The following MED25 variants were observed in gnomAD, a reference collection of about 807,000 sequenced individuals.
MED25 encodes mediator of RNA polymerase II transcription subunit 25.
A neutral mutation model predicts 89.4 loss-of-function variants in MED25; 62 were observed. The ratio of observed to expected loss-of-function variants is 0.69; its 90% CI spans 0.57 to 0.86. The LOEUF (loss-of-function observed/expected upper bound fraction) is 0.86. Ranked by LOEUF, MED25 falls within the 40% of genes least tolerant of loss-of-function variation. MED25 has a pLI of 0.00. For missense variants in MED25, 905 were observed against 1,005.2 expected (o/e 0.90, Z 1.35); for synonymous variants, 449 against 427.9 (o/e 1.05, Z -0.61).
In MED25 at chr19:49,819,507, G is replaced by A; in HGVS notation, c.305+211G>A. 3 of 587,082 alleles carry A rather than the reference G, an allele frequency of 5.1e-6. No homozygotes were observed. The South Asian group carries it at 5.5e-5, about 11-fold the overall frequency. The allele number at this position is 587,082 out of a possible 1,614,324, so 36.4% of individuals were successfully genotyped here. On this transcript the variant is annotated intron_variant, in intron 3 of 17. Coordinates refer to ENST00000312865, the MANE Select transcript of MED25 (RefSeq NM_030973.4). The stretch of plus-strand genomic sequence containing the variant: ...CGTGAATGAGCGATGGCTTGGGTTT[G>A]AGCTGCAGGAAACATCTCATACATT...
At position 49,818,402 on chromosome 19, in the gene MED25, G is replaced by A. The variant is rs2073953656; in HGVS notation, c.61G>A (p.Val21Met). ...AGSVVADVVF[V>M]IEGTANLGPY... ...GAGCGTGGTGGCCGACGTGGTGTTTGTGATTGAGGGTACGGCCAACCTGGG... is the reference window on the plus strand; with the variant it reads ...GAGCGTGGTGGCCGACGTGGTGTTTATGATTGAGGGTACGGCCAACCTGGG... Residue 21 changes from valine to methionine, a missense_variant, in exon 1 of 18, where the codon GTG becomes ATG. By Grantham distance (21) the Val-to-Met change is conservative. Transcript: ENST00000312865. 1.2e-6 allele frequency: 2 copies of A among 1,613,898 alleles called. No individual in the cohort carries two copies. Among genetic ancestry groups the A allele is most frequent in the Non-Finnish European group, 1.7e-6 (2 of 1,179,946 alleles).
chr19:49,837,781 G>A (rs1413371488), downstream of MED25, among the ~76,000 whole-genome samples: 2 of 152,180 alleles, frequency 1.3e-5, no homozygotes, highest in Non-Finnish European at 1.5e-5. Flanking sequence ...TGTCCTTAGG[G>A]GACAGTGTAT....
intron 3 of MED25, among the ~76,000 whole-genome samples, chr19:49,823,056 C>G (rs2073994102): frequency 6.6e-6 from 1 of 152,174 alleles, no homozygotes. Context: ...TCAAGTGATC[C>G]TCCCACCTCA....
rs775537338 is a variant in MED25 at position 49,829,128 on chromosome 19, G to T, written c.525+38G>T. 1.9e-6 allele frequency: 3 copies of T among 1,587,144 alleles called. No individual in the cohort carries two copies. Among genetic ancestry groups the T allele is most frequent in the South Asian group, 2.2e-5 (2 of 89,288 alleles). On this transcript the variant is annotated intron_variant, in intron 5 of 17. Coordinates refer to ENST00000312865, the MANE Select transcript of MED25 (RefSeq NM_030973.4). This position sits in a 1 kb window ranked among gnomAD's most constrained non-coding sequence, Gnocchi z 4.6. ...GGGTCTGAGGGACGAGGGTCTGGGG[G>T]CCCGGAGTCTTGGGTCTGAGGCAGG...
rs765135124 is a variant in MED25, at chr19:49,836,892, C to T, written c.2192C>T (p.Pro731Leu). 81 of 1,612,644 alleles carry T rather than the reference C, an allele frequency of 5.0e-5. No homozygotes were observed. The highest frequency in any genetic ancestry group is 6.7e-5 in the Non-Finnish European group (79 of 1,179,778). ...SGGPRGPVPQ[P>L]GLQPSVMEDD... ...GGTCCCCGGGGCCCGGTCCCCCAGC[C>T]GGGCCTGCAGCCCAGCGTCATGGAG... is the stretch of plus-strand genomic sequence containing the variant. Residue 731 changes from proline (P) to leucine (L), a missense_variant, in exon 18 of 18, where the codon CCG becomes CTG. Pro to Leu is a moderately conservative substitution (Grantham distance 98). This residue lies in a region of MED25 where 271 missense variants were observed against 258.1 expected (regional missense o/e 1.05). Coordinates refer to ENST00000312865, the MANE Select transcript of MED25 (RefSeq NM_030973.4). This position sits in a 1 kb window ranked among gnomAD's most constrained non-coding sequence, Gnocchi z 5.1.
chr19:49,829,944 G>A lies in MED25; in HGVS notation c.684G>A (p.Leu228=), dbSNP rs761005224. The stretch of plus-strand genomic sequence containing the variant: ...TGGTGCTGGTTCGGGGACTCGTGCT[G>A]CCTGGTGAGGCCTGGGCACCGTGCG... The part of the protein sequence containing the change: ...RHMVLVRGLV[L]PVGGGSAPGP... Residue 228 remains leucine, a synonymous_variant, in exon 6 of 18, where the codon CTG becomes CTA. Transcript: ENST00000312865. This position sits in a 1 kb window ranked among gnomAD's most constrained non-coding sequence, Gnocchi z 4.6. The A allele has an allele frequency of 2.9e-5, 46 of 1,610,832 alleles. 2 individuals are homozygous for A. The South Asian group carries it at 4.5e-4, about 16-fold the overall frequency.
chr19:49,827,696 C>T (rs1278045534), intron 3 of MED25, among the ~76,000 whole-genome samples: 2 of 152,198 alleles, frequency 1.3e-5, no homozygotes, highest in African/African-American at 4.8e-5. Flanking sequence ...GGACCTCAAC[C>T]TGTCTTTTTG....
Position 49,835,425 on chromosome 19 carries a change from A to G in MED25, c.1675-109A>G, listed in dbSNP as rs1268604484. 12 of 1,168,682 alleles carry G rather than the reference A, an allele frequency of 1.0e-5. No individual in the cohort carries two copies. Among genetic ancestry groups the G allele is most frequent in the Non-Finnish European group, 1.4e-5 (12 of 829,850 alleles). The allele number at this position is 1,168,682 out of a possible 1,614,324, so 72.4% of individuals were successfully genotyped here. A position where few individuals can be genotyped will look rare whatever the true frequency, so the allele number is the denominator to read the frequency against. On this transcript the variant is annotated intron_variant, in intron 14 of 17. Transcript: ENST00000312865. The surrounding 1 kb of genome is among the most constrained non-coding windows in gnomAD (Gnocchi z 6.2). ...CCTCCCAGACCACTCACCCCCAAAG[A>G]GAATGTCCCCATCTCCTTACTAGTT...
rs1029759033 is a variant in MED25, at chr19:49,835,484, C to G, written c.1675-50C>G. 2.0e-6 allele frequency: 3 copies of G among 1,488,898 alleles called. No homozygotes were observed. Among genetic ancestry groups the G allele is most frequent in the Non-Finnish European group, 2.7e-6 (3 of 1,111,794 alleles). The allele number at this position is 1,488,898 out of a possible 1,614,324, so 92.2% of individuals were successfully genotyped here. On this transcript the variant is annotated intron_variant, in intron 14 of 17. Coordinates refer to ENST00000312865, the MANE Select transcript of MED25 (RefSeq NM_030973.4). This position sits in a 1 kb window ranked among gnomAD's most constrained non-coding sequence, Gnocchi z 6.2. ...GGCACAGGCCCTCCCGCCTCAGATTCAGGATGCCACCACCCTCAGTTACTG... is the reference window on the plus strand; with the variant it reads ...GGCACAGGCCCTCCCGCCTCAGATTGAGGATGCCACCACCCTCAGTTACTG...
rs2074087211 is a variant in MED25, at chr19:49,835,262, A to G, written c.1674+85A>G. 4 of 1,411,460 alleles carry G rather than the reference A, an allele frequency of 2.8e-6. No homozygotes were observed. The highest frequency in any genetic ancestry group is 1.7e-5 in the Admixed American group (1 of 59,538). 87.4% of individuals were successfully genotyped at this position (1,411,460 alleles called of 1,614,324 possible). ...GCCCCCTGGGGTCTCCAGGACCAAG[A>G]TGCCCACCCTTCTCCCAATATGTGG... is the stretch of plus-strand genomic sequence containing the variant. On this transcript the variant is annotated intron_variant, in intron 14 of 17. Transcript: ENST00000312865. This position sits in a 1 kb window ranked among gnomAD's most constrained non-coding sequence, Gnocchi z 6.2.
rs10422386 is a variant in MED25 at position 49,818,875 on chromosome 19, G to T, written c.180+259G>T. 4,163 of 582,450 alleles carry T rather than the reference G, an allele frequency of 7.1e-3. 129 individuals are homozygous for T. Among genetic ancestry groups the T allele is most frequent in the African/African-American group, 0.07 (3,685 of 52,820 alleles). The allele number at this position is 582,450 out of a possible 1,614,324, so 36.1% of individuals were successfully genotyped here. On this transcript the variant is annotated intron_variant, in intron 2 of 17. Transcript: ENST00000312865. ...CAGATCCCTGGGTCTGAGGGAGGAA[G>T]GGCTGGGCGTCTGGACTGCTGGGTC... is the stretch of plus-strand genomic sequence containing the variant.
At chr19:49,839,820 C>G (rs1257644205), downstream of MED25, 1 of 152,176 alleles carries the variant, frequency 6.6e-6, no homozygotes, top group Admixed American at 6.5e-5. Context: ...GGGTTGAAGA[C>G]CAAATTCCCC....
Position 49,835,195 on chromosome 19 carries a change from C to G in MED25, c.1674+18C>G, listed in dbSNP as rs374569521. The G allele has an allele frequency of 6.2e-7, 1 of 1,613,508 alleles. No individual in the cohort carries two copies. The highest frequency in any genetic ancestry group is 1.3e-5 in the African/African-American group (1 of 74,886). On this transcript the variant is annotated intron_variant, in intron 14 of 17. Transcript: ENST00000312865. This position sits in a 1 kb window ranked among gnomAD's most constrained non-coding sequence, Gnocchi z 6.2. ...AGCGAGGAGTGAGTGTTGACAGTCC[C>G]CAAACCAGCACTCCGACCCCCTCCT...
intron 3 of MED25, among the ~76,000 whole-genome samples, chr19:49,824,604 AAG>A (rs1491480610): frequency 2.6e-5 from 4 of 151,936 alleles, no homozygotes; most frequent in African/African-American, 9.7e-5. Context: ...AAAAAAAAAA[AAG>A]AGGTGGAAGG....
In MED25 at chr19:49,836,749, GGGTCC is replaced by G. The variant is rs746930728; in HGVS notation, c.2147-97_2147-93del. On this transcript the variant is annotated intron_variant, in intron 17 of 17. Transcript: ENST00000312865. This position sits in a 1 kb window ranked among gnomAD's most constrained non-coding sequence, Gnocchi z 5.1. ...GATGGGGCCAGAAGGTGCTTCTGTTGGGTCCCCCAAGGGCTGCCTAGAAAACTTAG... is the reference window on the plus strand; with the variant it reads ...GATGGGGCCAGAAGGTGCTTCTGTTGCCCAAGGGCTGCCTAGAAAACTTAG... 1.1e-6 allele frequency: 1 copy of G among 892,996 alleles called. No homozygotes were observed. Among genetic ancestry groups the G allele is most frequent in the Admixed American group, 2.0e-5 (1 of 50,732 alleles). The allele number at this position is 892,996 out of a possible 1,614,324, so 55.3% of individuals were successfully genotyped here.
Position 49,834,589 on chromosome 19 carries a change from C to T in MED25, c.1483-397C>T, listed in dbSNP as rs552048294. The stretch of plus-strand genomic sequence containing the variant: ...ATCTCTTGGATACCCGGGGTCCGAC[C>T]CACCGTTGATCACAGGCCTGTGGGT... On this transcript the variant is annotated intron_variant, in intron 13 of 17. Coordinates refer to ENST00000312865, the MANE Select transcript of MED25 (RefSeq NM_030973.4). The surrounding 1 kb of genome is among the most constrained non-coding windows in gnomAD (Gnocchi z 4.1). The T allele has an allele frequency of 3.8e-5, 12 of 314,410 alleles. No homozygotes were observed. Among genetic ancestry groups the T allele is most frequent in the South Asian group, 3.3e-4 (11 of 33,424 alleles). The allele number at this position is 314,410 out of a possible 1,614,324, so 19.5% of individuals were successfully genotyped here. A position where few individuals can be genotyped will look rare whatever the true frequency, so the allele number is the denominator to read the frequency against.
At chr19:49,833,067 C>T (rs903659194) in intron 13 of MED25, 2 of 156,006 alleles carry the variant, frequency 1.3e-5, no homozygotes, top group African/African-American at 2.4e-5. Flanking sequence ...CAGATAGAGT[C>T]ACCTTCACAG....
Position 49,825,864 on chromosome 19 carries a change from C to T in MED25, c.306-2585C>T, listed in dbSNP as rs546250025. On this transcript the variant is annotated intron_variant, in intron 3 of 17. Transcript: ENST00000312865. ...AAAATTTATCACCCCAAAGAGGACACCCCATATGCATGAAGCACTAGCTCC... is the reference window on the plus strand; with the variant it reads ...AAAATTTATCACCCCAAAGAGGACATCCCATATGCATGAAGCACTAGCTCC... Among the ~76,000 whole-genome samples, 14 of 151,966 alleles carry T rather than the reference C, an allele frequency of 9.2e-5. No individual in the cohort carries two copies. In the South Asian group the frequency reaches 2.1e-3, roughly 23 times the overall value.
chr19:49,830,470 G>T lies in MED25; in HGVS notation c.820-41G>T. On this transcript the variant is annotated intron_variant, in intron 7 of 17. Coordinates refer to ENST00000312865, the MANE Select transcript of MED25 (RefSeq NM_030973.4). The surrounding 1 kb of genome is among the most constrained non-coding windows in gnomAD (Gnocchi z 4.6). Reference sequence around the variant, plus strand: ...TGGGATACCAGGACTGGGGGGCCATGGTCCTCACCAGTCCCTTCCCTTCTT... The same window carrying T: ...TGGGATACCAGGACTGGGGGGCCATTGTCCTCACCAGTCCCTTCCCTTCTT... 1 of 1,587,848 alleles carries T rather than the reference G, an allele frequency of 6.3e-7. No homozygotes were observed. Among genetic ancestry groups the T allele is most frequent in the South Asian group, 1.1e-5 (1 of 90,340 alleles).
Sources: allele counts gnomAD v4.1 joint callset (sites outside exome capture counted in the v4.1 genomes callset), GRCh38; gene constraint gnomAD v4.1.1; regional missense constraint gnomAD v4.1.1; non-coding constraint Gnocchi (gnomAD v3.1); transcripts MANE v1.5; gene names NCBI Gene and HGNC (gene_info 2026-07-23, HGNC 2026-07-21).